Variants in LINGO1 observed in about 807,000 individuals in gnomAD.
The protein encoded by LINGO1 is leucine rich repeat and Ig domain containing 1.
A neutral mutation model predicts 37.3 loss-of-function variants in LINGO1; 11 were observed. The observed-to-expected ratio is 0.29, with a 90% CI of 0.19 to 0.49. The LOEUF (loss-of-function observed/expected upper bound fraction) is 0.49, where lower values mean the gene tolerates loss of function less well. LINGO1 is among the 20% of genes least tolerant of loss of function. The probability of loss-of-function intolerance (pLI) is 0.99; values close to 1 mark genes in which losing one functional copy is unlikely to be tolerated. For synonymous variants in LINGO1, 387 were observed against 403.0 expected, an observed-to-expected ratio of 0.96 and a Z score of 0.48; for missense variants, 585 against 878.2, an observed-to-expected ratio of 0.67 and a Z score of 4.22.
At chr15:77,727,500 C>T (rs2076113879) in intron 2 of LINGO1, among the ~76,000 whole-genome samples, 1 of 152,092 alleles carries the variant, frequency 6.6e-6, no homozygotes, top group Non-Finnish European at 1.5e-5. Context: ...CAAAAAGACA[C>T]ATATATATGG....
chr15:77,706,201 TCCA>T (rs1198654129), intron 2 of LINGO1, among the ~76,000 whole-genome samples: 2 of 151,962 alleles, frequency 1.3e-5, no homozygotes, highest in African/African-American at 4.8e-5. Context: ...AGCAAACATC[TCCA>T]CCATCAACCC....
chr15:77,774,691 G>A (rs2076619884), intron 1 of LINGO1, among the ~76,000 whole-genome samples: 1 of 152,190 alleles, frequency 6.6e-6, no homozygotes, highest in South Asian at 2.1e-4. Context: ...GGTGATGTCA[G>A]TAATGAGAGC....
At chr15:77,790,436 G>A (rs5021303), upstream of LINGO1, among the ~76,000 whole-genome samples, 115,153 of 152,160 alleles carry the variant, frequency 0.76, 43,777 homozygotes, top group Admixed American at 0.81. Flanking sequence ...CTCGACACCT[G>A]TAGCGATGGC....
intron 1 of LINGO1, among the ~76,000 whole-genome samples, chr15:77,621,603 T>G (rs2142525142): frequency 6.6e-6 from 1 of 152,148 alleles, no homozygotes; most frequent in Non-Finnish European, 1.5e-5. Context: ...AGGGTGGTGC[T>G]AGGGTGAGGC....
At chr15:77,633,570 C>T (rs1249657742), upstream of LINGO1, among the ~76,000 whole-genome samples, 5 of 152,142 alleles carry the variant, frequency 3.3e-5, no homozygotes, top group Admixed American at 3.3e-4. Context: ...GCAGCTCTAC[C>T]CAGGAGCCGG....
chr15:77,642,073 T>C (rs929719235), intron 3 of LINGO1: 1 of 438,562 alleles, frequency 2.3e-6, no homozygotes, highest in African/African-American at 2.0e-5. Context: ...ACATTTCTTG[T>C]GGACAGTAGG....
intron 2 of LINGO1, among the ~76,000 whole-genome samples, chr15:77,685,649 G>C (rs2075495516): frequency 1.3e-5 from 2 of 150,404 alleles, no homozygotes; most frequent in Admixed American, 1.3e-4. Flanking sequence ...CTTGAGGCCA[G>C]GAGTTTGAGA....
intron 1 of LINGO1, among the ~76,000 whole-genome samples, chr15:77,769,494 G>A (rs774752460): frequency 5.9e-5 from 9 of 152,218 alleles, no homozygotes; most frequent in Non-Finnish European, 1.0e-4. Flanking sequence ...CAGCCAGGGA[G>A]TGAGAAGGCA....
intron 2 of LINGO1, among the ~76,000 whole-genome samples, chr15:77,679,190 C>T (rs2075374690): frequency 6.6e-6 from 1 of 152,168 alleles, no homozygotes; most frequent in South Asian, 2.1e-4. Context: ...TGTGAGCCAC[C>T]GCGCTCGGCC....
chr15:77,807,233 A>T (rs2076967619), intron 1 of LINGO1, among the ~76,000 whole-genome samples: 1 of 152,182 alleles, frequency 6.6e-6, no homozygotes, highest in African/African-American at 2.4e-5. Flanking sequence ...ACCCACCTGT[A>T]GTGCAACTCA....
At chr15:77,688,332 G>C (rs2075546764) in intron 2 of LINGO1, among the ~76,000 whole-genome samples, 1 of 152,254 alleles carries the variant, frequency 6.6e-6, no homozygotes, top group Admixed American at 6.5e-5. Context: ...ATTAATTAAA[G>C]AAAAATCTAA....
At chr15:77,641,668 G>A (rs1373548699) in intron 3 of LINGO1, 4 of 361,568 alleles carry the variant, frequency 1.1e-5, no homozygotes, top group South Asian at 6.2e-5. Flanking sequence ...GAGGCTGAGA[G>A]CCTGACTGGC....
intron 1 of LINGO1, among the ~76,000 whole-genome samples, chr15:77,815,416 T>C (rs1268227072): frequency 1.3e-5 from 2 of 151,884 alleles, no homozygotes; most frequent in Non-Finnish European, 2.9e-5. Flanking sequence ...AAGCTCTTCC[T>C]CTATCAAACA....
chr15:77,657,764 A>T (rs187135657), intron 3 of LINGO1, among the ~76,000 whole-genome samples: 2 of 152,254 alleles, frequency 1.3e-5, no homozygotes, highest in East Asian at 3.9e-4. Flanking sequence ...GGGAGTAGAG[A>T]TTCGGGAACA....
intron 2 of LINGO1, among the ~76,000 whole-genome samples, chr15:77,718,249 G>C (rs938895907): frequency 3.4e-4 from 52 of 150,990 alleles, no homozygotes; most frequent in African/African-American, 1.2e-3. Context: ...TGAACATGCA[G>C]GGACAGAGCT....
chr15:77,780,749 G>T (rs1177916176), intron 1 of LINGO1, among the ~76,000 whole-genome samples: 2 of 152,008 alleles, frequency 1.3e-5, no homozygotes. Flanking sequence ...ATAAGAAGAG[G>T]TACCACATAA....
chr15:77,669,115 G>A (rs2075200717), intron 3 of LINGO1, among the ~76,000 whole-genome samples: 1 of 152,272 alleles, frequency 6.6e-6, no homozygotes. Context: ...GAGGATGTGT[G>A]CACAGCTTCT....
intron 2 of LINGO1, among the ~76,000 whole-genome samples, chr15:77,713,836 T>C (rs2075950920): frequency 6.6e-6 from 1 of 152,086 alleles, no homozygotes; most frequent in East Asian, 1.9e-4. Flanking sequence ...CCTTTTGGCT[T>C]TCCTCGCACC....
Position 77,800,832 on chromosome 15 carries a change from G to A in LINGO1, c.-457-4779C>T, listed in dbSNP as rs551920444. 3.0e-4 allele frequency among the ~76,000 whole-genome samples: 45 copies of A among 152,130 alleles called. No individual in the cohort carries two copies. In the East Asian group the frequency reaches 8.3e-3, roughly 28 times the overall value. On this transcript the variant is annotated intron_variant, in intron 1 of 5. Transcript: ENST00000562933. Reference sequence around the variant, plus strand: ...GCAAAGAGCCCCTACAAATCAATAAGAAAAAAGACAAAAGAAGAGAAAAAT... The same window carrying A: ...GCAAAGAGCCCCTACAAATCAATAAAAAAAAAGACAAAAGAAGAGAAAAAT...
Sources: allele counts gnomAD v4.1 joint callset (sites outside exome capture counted in the v4.1 genomes callset), GRCh38; gene constraint gnomAD v4.1.1; transcripts MANE v1.5; gene names NCBI Gene and HGNC (gene_info 2026-07-23, HGNC 2026-07-21).